The following DPY19L4 variants were observed in gnomAD, a reference collection of about 807,000 sequenced individuals.
DPY19L4 encodes the protein probable C-mannosyltransferase DPY19L4.
A neutral mutation model predicts 102.8 loss-of-function variants in DPY19L4; 97 were observed. The ratio of observed to expected loss-of-function variants is 0.94; its 90% CI spans 0.80 to 1.12. The LOEUF is 1.12. Ranked by LOEUF, DPY19L4 falls within the 50% of genes most tolerant of loss-of-function variation. The probability of loss-of-function intolerance (pLI) is 0.00; values close to 1 mark genes in which losing one functional copy is unlikely to be tolerated. For synonymous variants in DPY19L4, 252 were observed against 283.1 expected (o/e 0.89, Z 1.10); for missense variants, 815 against 850.4 (o/e 0.96, Z 0.52).
chr8:94,783,829 G>T (rs372144831), intron 17 of DPY19L4, 27 bp downstream of exon 17: 217 of 1,611,896 alleles, frequency 1.3e-4, no homozygotes, highest in Non-Finnish European at 1.8e-4. Context: ...TCTACATTTG[G>T]ATCTCTTTTC....
intron 6 of DPY19L4, among the ~76,000 whole-genome samples, chr8:94,749,846 C>A (rs1811841342): frequency 6.6e-6 from 1 of 152,096 alleles, no homozygotes; most frequent in African/African-American, 2.4e-5. Flanking sequence ...TTGGGACAAC[C>A]AAATCTGGAA....
In DPY19L4 at chr8:94,783,663, TTTGCAGAAGGCAAGCTCCAG is replaced by T; in HGVS notation, c.1716_1735del (p.Lys572AsnfsTer14). ...TTCAGTGTGCAAATCTTTATGGTTC[TTTGCAGAAGGCAAGCTCCAG>T]TTGCAGCTGTGTTTGCAGGGAGTCC... is the stretch of plus-strand genomic sequence containing the variant. On this transcript the variant is annotated splice_acceptor_variant and splice_polypyrimidine_tract_variant and coding_sequence_variant and intron_variant, in exon 17 of 19. Coordinates refer to ENST00000414645, the MANE Select transcript of DPY19L4 (RefSeq NM_181787.3). LOFTEE classifies it high-confidence loss of function. 1.2e-6 allele frequency: 2 copies of T among 1,613,304 alleles called. No individual in the cohort carries two copies. Among genetic ancestry groups the T allele is most frequent in the South Asian group, 2.2e-5 (2 of 90,908 alleles).
chr8:94,739,907 T>C (rs2130820426), intron 6 of DPY19L4, 117 bp downstream of exon 6: 2 of 1,224,924 alleles, frequency 1.6e-6, no homozygotes, highest in East Asian at 4.6e-5. Context: ...CCTATGAATA[T>C]GATGAGATGC....
At chr8:94,721,728 A>G (rs1810468298) in intron 1 of DPY19L4, among the ~76,000 whole-genome samples, 1 of 152,236 alleles carries the variant, frequency 6.6e-6, no homozygotes, top group South Asian at 2.1e-4. Flanking sequence ...ATGAAAAATT[A>G]TTTTAGACTA....
rs1463112200 is a variant in DPY19L4 at position 94,770,580 on chromosome 8, A to G, written c.1454+9A>G. ...GCAATGGTTATAGAAGGGTAAGTGTACTTTATTTGATCCCTTTGTTTTAAC... is the reference window on the plus strand; with the variant it reads ...GCAATGGTTATAGAAGGGTAAGTGTGCTTTATTTGATCCCTTTGTTTTAAC... On this transcript the variant is annotated intron_variant, in intron 13 of 18. Transcript: ENST00000414645. The G allele has an allele frequency of 1.2e-6, 2 of 1,612,746 alleles. No homozygotes were observed. The highest frequency in any genetic ancestry group is 1.7e-6 in the Non-Finnish European group (2 of 1,179,582).
At chr8:94,738,318 C>CAAAA in intron 3 of DPY19L4, 51 bp from the exon 4 acceptor site, 6 of 855,584 alleles carry the variant, frequency 7.0e-6, no homozygotes, top group South Asian at 2.9e-5. Context: ...GACTCTGTCT[C>CAAAA]AAAAAAAAAA....
chr8:94,775,202 A>C (rs905695036), intron 13 of DPY19L4, among the ~76,000 whole-genome samples: 4 of 150,456 alleles, frequency 2.7e-5, no homozygotes, highest in Admixed American at 6.6e-5. Context: ...TTTTTGAGAC[A>C]GGGTCCTGTT....
At chr8:94,755,319 T>C (rs1400604048) in intron 6 of DPY19L4, among the ~76,000 whole-genome samples, 1 of 152,122 alleles carries the variant, frequency 6.6e-6, no homozygotes, top group African/African-American at 2.4e-5. Context: ...ATAAGAACTT[T>C]GGATCTACCA....
At chr8:94,747,263 G>A (rs1467813600) in intron 6 of DPY19L4, among the ~76,000 whole-genome samples, 2 of 152,060 alleles carry the variant, frequency 1.3e-5, no homozygotes, top group South Asian at 4.1e-4. Flanking sequence ...ATGCTGCCCA[G>A]GCTGGTCTCG....
intron 6 of DPY19L4, chr8:94,744,438 A>C (rs1239202950): frequency 4.4e-6 from 2 of 456,634 alleles, no homozygotes; most frequent in East Asian, 1.4e-4. Context: ...ATCTGTTATA[A>C]CCTCATCTTA....
chr8:94,769,054 G>GTTTT (rs1184803488), intron 12 of DPY19L4, among the ~76,000 whole-genome samples: 5 of 138,412 alleles, frequency 3.6e-5, no homozygotes, highest in South Asian at 2.3e-4. Context: ...TTTAAACTTA[G>GTTTT]TTTTTTTGTT....
intron 6 of DPY19L4, among the ~76,000 whole-genome samples, chr8:94,742,793 A>G (rs1563582628): frequency 2.0e-5 from 3 of 151,958 alleles, no homozygotes. Flanking sequence ...ATTGACCTCA[A>G]GTGATCCACC....
intron 6 of DPY19L4, among the ~76,000 whole-genome samples, chr8:94,744,156 G>A (rs1238732681): frequency 6.6e-6 from 1 of 152,200 alleles, no homozygotes; most frequent in Non-Finnish European, 1.5e-5. Flanking sequence ...TAGATTGGTG[G>A]TTCTAGCTCA....
chr8:94,732,657 A>G (rs936663530), intron 2 of DPY19L4, among the ~76,000 whole-genome samples: 6 of 152,122 alleles, frequency 3.9e-5, no homozygotes, highest in Non-Finnish European at 7.4e-5. Flanking sequence ...GTTTATAGTT[A>G]GTTATTCTTC....
At chr8:94,732,515 G>T (rs960266944) in intron 2 of DPY19L4, among the ~76,000 whole-genome samples, 1 of 152,058 alleles carries the variant, frequency 6.6e-6, no homozygotes, top group African/African-American at 2.4e-5. Context: ...AACATAGCAA[G>T]AATCCTGTCT....
intron 8 of DPY19L4, among the ~76,000 whole-genome samples, chr8:94,763,245 C>T (rs925680336): frequency 1.4e-5 from 2 of 143,368 alleles, no homozygotes; most frequent in Non-Finnish European, 3.0e-5. Context: ...CCGCACCTGG[C>T]CAAGGTATCT....
At chr8:94,741,541 G>C (rs1811443729) in intron 6 of DPY19L4, among the ~76,000 whole-genome samples, 1 of 152,120 alleles carries the variant, frequency 6.6e-6, no homozygotes. Context: ...TTCTAAATAA[G>C]AGATTAATTT....
intron 6 of DPY19L4, among the ~76,000 whole-genome samples, chr8:94,745,247 A>T (rs1473153277): frequency 6.6e-6 from 1 of 152,252 alleles, no homozygotes; most frequent in East Asian, 1.9e-4. Flanking sequence ...AGGGGGAAAA[A>T]ATCAGAGGTG....
intron 2 of DPY19L4, among the ~76,000 whole-genome samples, chr8:94,729,314 A>G (rs1266407771): frequency 2.6e-5 from 4 of 151,162 alleles, no homozygotes; most frequent in African/African-American, 7.3e-5. Context: ...GGAGGTCACA[A>G]TGAGCCGAGA....
Sources: allele counts gnomAD v4.1 joint callset (sites outside exome capture counted in the v4.1 genomes callset), GRCh38; gene constraint gnomAD v4.1.1; transcripts MANE v1.5; gene names NCBI Gene and HGNC (gene_info 2026-07-23, HGNC 2026-07-21).